TRAPPC9: variants seen among roughly 807,000 people sequenced by gnomAD.
TRAPPC9 encodes the protein IKK2 binding protein.
In TRAPPC9, 83 loss-of-function variants were observed where a neutral mutation model predicts 124.0. The observed-to-expected ratio is 0.67, with a 90% confidence interval of 0.56 to 0.80. The LOEUF (loss-of-function observed/expected upper bound fraction) is 0.80. TRAPPC9 is among the 30% of genes least tolerant of loss of function. The pLI is 0.00. For missense variants in TRAPPC9, 1,302 were observed against 1,508.3 expected, an observed-to-expected ratio of 0.86 and a Z score of 2.27; for synonymous variants, 638 against 617.5, an observed-to-expected ratio of 1.03 and a Z score of -0.49.
In TRAPPC9 at chr8:140,405,665, G is replaced by C; in HGVS notation, c.920C>G (p.Thr307Ser). The C allele has an allele frequency of 6.2e-7, 1 of 1,614,142 alleles. No homozygotes were observed. The highest frequency in any genetic ancestry group is 8.5e-7 in the Non-Finnish European group (1 of 1,180,020). ...ALTTNGINPDTSTEIGRAKNC... is the reference protein window; with the variant it reads ...ALTTNGINPDSSTEIGRAKNC... ...CTTAGCACGTCCGATCTCAGTACTGGTGTCAGGGTTGATGCCATTGGTGGT... is the reference window on the plus strand; with the variant it reads ...CTTAGCACGTCCGATCTCAGTACTGCTGTCAGGGTTGATGCCATTGGTGGT... Residue 307 changes from threonine to serine, a missense_variant, in exon 6 of 23, where the codon ACC becomes AGC. By Grantham distance (58) the Thr-to-Ser change is moderately conservative. This residue lies in a region of TRAPPC9 where 657 missense variants were observed against 811.2 expected (regional missense o/e 0.81). Coordinates refer to ENST00000438773, the MANE Select transcript of TRAPPC9 (RefSeq NM_001160372.4).
At chr8:140,295,863 G>C (rs1385388661) in intron 11 of TRAPPC9, among the ~76,000 whole-genome samples, 1 of 152,186 alleles carries the variant, frequency 6.6e-6, no homozygotes, top group African/African-American at 2.4e-5. Flanking sequence ...GAAGCTATGG[G>C]ATATAAATTG....
Position 140,283,898 on chromosome 8 carries a change from G to A in TRAPPC9, c.2105C>T (p.Ser702Phe). 1.2e-6 allele frequency: 2 copies of A among 1,614,070 alleles called. No individual in the cohort carries two copies. The highest frequency in any genetic ancestry group is 8.5e-7 in the Non-Finnish European group (1 of 1,180,008). ...PALPRLQIST[S>F]LPRSAHSLQP... is the part of the protein sequence containing the mutation. ...CCCTCGTGCACACTACCTGGGCAGA[G>A]AGGTGCTGATCTGCAGTCTTGGCAA... The change falls in exon 14 of 23, where the codon TCT becomes TTT. Residue 702 changes from serine (S) to phenylalanine (F), a missense_variant. Around this residue, in one of 3 missense-constraint regions of TRAPPC9, gnomAD observed 640 missense variants for 679.3 expected, o/e 0.94. Coordinates refer to ENST00000438773, the MANE Select transcript of TRAPPC9 (RefSeq NM_001160372.4).
At chr8:140,373,102 C>G (rs546235832) in intron 7 of TRAPPC9, among the ~76,000 whole-genome samples, 1 of 152,340 alleles carries the variant, frequency 6.6e-6, no homozygotes, top group African/African-American at 2.4e-5. Flanking sequence ...ATTTACTGAA[C>G]CCCTACTCTG....
chr8:140,382,697 G>C (rs1210563402), intron 7 of TRAPPC9, among the ~76,000 whole-genome samples: 1 of 152,200 alleles, frequency 6.6e-6, no homozygotes, highest in East Asian at 1.9e-4. Flanking sequence ...ACAGCTCAAG[G>C]AGGCCTGCCT....
intron 5 of TRAPPC9, among the ~76,000 whole-genome samples, chr8:140,419,428 C>CAAAAAAAAAAAAAAAAAA (rs61155157): frequency 2.5e-5 from 2 of 79,586 alleles, no homozygotes; most frequent in Non-Finnish European, 2.4e-5. Context: ...GACTCCGTCT[C>CAAAAAAAAAAAAAAAAAA]AAAAAAAAAA....
At chr8:139,812,272 G>A (rs1391648814) in intron 21 of TRAPPC9, among the ~76,000 whole-genome samples, 1 of 152,192 alleles carries the variant, frequency 6.6e-6, no homozygotes, top group African/African-American at 2.4e-5. Flanking sequence ...ATACATGCTT[G>A]GCTTAGCTGT....
At chr8:140,293,788 C>T (rs984302314) in intron 11 of TRAPPC9, among the ~76,000 whole-genome samples, 4 of 152,102 alleles carry the variant, frequency 2.6e-5, no homozygotes, top group African/African-American at 4.8e-5. Flanking sequence ...ATGGGTGCAG[C>T]GCACCAGCAT....
Position 139,735,298 on chromosome 8 carries a change from G to A in TRAPPC9, c.3056-3096C>T, listed in dbSNP as rs559891174. ...TCATATTCTTGCTGTGAGGAGCTCAGTCACAGCACGTCCCAGTACCCATGA... is the reference window on the plus strand; with the variant it reads ...TCATATTCTTGCTGTGAGGAGCTCAATCACAGCACGTCCCAGTACCCATGA... On this transcript the variant is annotated intron_variant, in intron 21 of 22. Coordinates refer to ENST00000438773, the MANE Select transcript of TRAPPC9 (RefSeq NM_001160372.4). 3.3e-5 allele frequency among the ~76,000 whole-genome samples: 5 copies of A among 152,348 alleles called. No individual in the cohort carries two copies. In the East Asian group the frequency reaches 9.6e-4, roughly 29 times the overall value.
chr8:139,819,076 C>G (rs911007554), intron 21 of TRAPPC9, among the ~76,000 whole-genome samples: 1 of 152,152 alleles, frequency 6.6e-6, no homozygotes, highest in African/African-American at 2.4e-5. Flanking sequence ...GCAGCCACCC[C>G]ACATCGTTTG....
At chr8:140,082,355 A>AT (rs1271219501) in intron 17 of TRAPPC9, among the ~76,000 whole-genome samples, 3 of 151,822 alleles carry the variant, frequency 2.0e-5, no homozygotes, top group Non-Finnish European at 1.5e-5. Context: ...GTGTGGAATC[A>AT]TTTTTTTTCC....
chr8:140,023,457 C>A (rs957015434), intron 18 of TRAPPC9, among the ~76,000 whole-genome samples: 1 of 152,208 alleles, frequency 6.6e-6, no homozygotes, highest in African/African-American at 2.4e-5. Flanking sequence ...TGCGAAGGGC[C>A]TCCTGGGCAG....
Position 139,771,687 on chromosome 8 carries a change from G to A in TRAPPC9, c.3056-39485C>T, listed in dbSNP as rs143424479. Among the ~76,000 whole-genome samples, 132 of 152,332 alleles carry A rather than the reference G, an allele frequency of 8.7e-4. 3 individuals carry two copies. In the Middle Eastern group the frequency reaches 0.031, roughly 35 times the overall value. ...GAGTGGTAGGCGCTGAGGACCACACGGATATTTGTGACAAGTGGAAGTAGA... is the reference window on the plus strand; with the variant it reads ...GAGTGGTAGGCGCTGAGGACCACACAGATATTTGTGACAAGTGGAAGTAGA... On this transcript the variant is annotated intron_variant, in intron 21 of 22. Coordinates refer to ENST00000438773, the MANE Select transcript of TRAPPC9 (RefSeq NM_001160372.4).
intron 8 of TRAPPC9, among the ~76,000 whole-genome samples, chr8:140,360,410 C>T (rs1017428172): frequency 6.6e-6 from 1 of 152,178 alleles, no homozygotes; most frequent in African/African-American, 2.4e-5. Context: ...TACACTATAG[C>T]TTCTCTCTCT....
At chr8:139,886,483 C>T (rs950346712) in intron 20 of TRAPPC9, among the ~76,000 whole-genome samples, 2 of 152,146 alleles carry the variant, frequency 1.3e-5, no homozygotes, top group African/African-American at 4.8e-5. Context: ...CAGCAAGTAT[C>T]AGTGGGTGAA....
At chr8:140,325,827 G>T (rs1360124115) in intron 9 of TRAPPC9, among the ~76,000 whole-genome samples, 1 of 152,148 alleles carries the variant, frequency 6.6e-6, no homozygotes, top group East Asian at 1.9e-4. Context: ...AGTAAAAGTA[G>T]CATGGAGTCT....
rs535615253 is a variant in TRAPPC9, at chr8:139,823,804, T to C, written c.3055+62075A>G. Among the ~76,000 whole-genome samples the C allele has an allele frequency of 4.6e-5, 7 of 152,336 alleles. No individual in the cohort carries two copies. In the East Asian group the frequency reaches 7.7e-4, roughly 17 times the overall value. On this transcript the variant is annotated intron_variant, in intron 21 of 22. Coordinates refer to ENST00000438773, the MANE Select transcript of TRAPPC9 (RefSeq NM_001160372.4). ...TGCGCTGCCACAAAGAGAGGCCTGA[T>C]GGGCATCCTCAGGATAATAAAACGT...
chr8:140,210,771 G>A (rs772202840), intron 17 of TRAPPC9, among the ~76,000 whole-genome samples: 6 of 152,108 alleles, frequency 3.9e-5, no homozygotes, highest in African/African-American at 7.2e-5. Context: ...TCTCTCCCCC[G>A]GCTCTACTGC....
intron 21 of TRAPPC9, among the ~76,000 whole-genome samples, chr8:139,840,205 T>C (rs1826634421): frequency 6.6e-6 from 1 of 152,216 alleles, no homozygotes; most frequent in Admixed American, 6.5e-5. Context: ...TGTGACACTG[T>C]GGCTGCGGCG....
intron 9 of TRAPPC9, among the ~76,000 whole-genome samples, chr8:140,346,984 G>T (rs2067367192): frequency 6.6e-6 from 1 of 152,194 alleles, no homozygotes; most frequent in African/African-American, 2.4e-5. Context: ...AGAGGCACGG[G>T]GTAGCATCGG....
Sources: gnomAD v4.1 joint callset for allele counts (sites outside exome capture counted in the v4.1 genomes callset) on GRCh38, gnomAD v4.1.1 for gene constraint, gnomAD v4.1.1 regional missense constraint, MANE v1.5 for transcripts, NCBI Gene and HGNC (gene_info 2026-07-23, HGNC 2026-07-21) for gene names.